The following CCDC192 variants were observed in gnomAD, a reference collection of about 807,000 sequenced individuals.
CCDC192 encodes coiled-coil domain-containing protein 192.
intron 6 of CCDC192, among the ~76,000 whole-genome samples, chr5:127,927,937 CTTTTTTTTTTTT>C (rs1271788889): frequency 2.5e-5 from 3 of 117,718 alleles, no homozygotes; most frequent in Admixed American, 9.2e-5. Context: ...TCTTATAGTT[CTTTTTTTTTTTT>C]TTTTTTTTTG....
At chr5:127,785,087 C>A in intron 3 of CCDC192, 1 of 516,712 alleles carries the variant, frequency 1.9e-6, no homozygotes. Flanking sequence ...ACAGTGTAGG[C>A]ATCTTCTGTG....
At chr5:127,801,697 G>C (rs572331783) in intron 5 of CCDC192, among the ~76,000 whole-genome samples, 1 of 151,938 alleles carries the variant, frequency 6.6e-6, no homozygotes, top group African/African-American at 2.4e-5. Context: ...ATTTTCTGTG[G>C]GTCCCCACAG....
intron 6 of CCDC192, among the ~76,000 whole-genome samples, chr5:127,883,675 C>G (rs1268331096): frequency 6.6e-6 from 1 of 152,198 alleles, no homozygotes; most frequent in African/African-American, 2.4e-5. Context: ...CACAGAAGAT[C>G]TCAGGAAATG....
At chr5:127,864,090 T>G (rs972062981) in intron 5 of CCDC192, among the ~76,000 whole-genome samples, 1 of 152,188 alleles carries the variant, frequency 6.6e-6, no homozygotes, top group African/African-American at 2.4e-5. Context: ...TTTCAGGTCA[T>G]TGTCGCTCCC....
At chr5:127,719,912 T>C (rs960670139) in intron 2 of CCDC192, among the ~76,000 whole-genome samples, 6 of 151,670 alleles carry the variant, frequency 4.0e-5, no homozygotes, top group Admixed American at 3.9e-4. Flanking sequence ...GCAAGGGGGA[T>C]GTCCACCCCC....
At chr5:127,861,353 T>TAAA (rs111544483) in intron 5 of CCDC192, among the ~76,000 whole-genome samples, 3 of 127,386 alleles carry the variant, frequency 2.4e-5, no homozygotes, top group African/African-American at 8.7e-5. Flanking sequence ...AATTTTAAGC[T>TAAA]AAAAAAAAAA....
In CCDC192 at chr5:127,941,477, T is replaced by A. The variant is rs1754404666; in HGVS notation, c.*9T>A. On this transcript the variant is annotated 3_prime_UTR_variant, in exon 7 of 7. Transcript: ENST00000514853. ...CTGATGAGAATTTGTAGATTCCCAA[T>A]AAGAAAACAATAAAAGTTTATTAAG... 5.0e-6 allele frequency: 2 copies of A among 399,006 alleles called. No homozygotes were observed. Among genetic ancestry groups the A allele is most frequent in the East Asian group, 7.1e-5 (2 of 28,084 alleles). The allele number at this position is 399,006 out of a possible 1,614,324, so 24.7% of individuals were successfully genotyped here. A position where few individuals can be genotyped will look rare whatever the true frequency, so the allele number is the denominator to read the frequency against.
chr5:127,902,383 G>A (rs1753061334), intron 6 of CCDC192, among the ~76,000 whole-genome samples: 2 of 151,022 alleles, frequency 1.3e-5, no homozygotes, highest in Non-Finnish European at 2.9e-5. Flanking sequence ...TTGAATCTGG[G>A]TCCTGACATT....
chr5:127,746,773 G>C (rs1228942522), intron 2 of CCDC192, among the ~76,000 whole-genome samples: 1 of 152,128 alleles, frequency 6.6e-6, no homozygotes, highest in East Asian at 1.9e-4. Flanking sequence ...TGTAGTGGCA[G>C]AACTTGACTG....
chr5:127,721,807 A>T (rs540925463), intron 2 of CCDC192, among the ~76,000 whole-genome samples: 226 of 152,240 alleles, frequency 1.5e-3, no homozygotes, highest in African/African-American at 5.2e-3. Flanking sequence ...GGCAAAGGAG[A>T]AGGAGGCATG....
chr5:127,751,943 C>T lies in CCDC192; in HGVS notation c.115-2325C>T, dbSNP rs1026189610. On this transcript the variant is annotated intron_variant, in intron 2 of 6. Coordinates refer to ENST00000514853, the MANE Select transcript of CCDC192 (RefSeq NM_001317938.2). ...GCTTCTGCATTCTTCACGTAGTTCTCGAGCCTTGGTTTTCAGCTCCATCAG... is the reference window on the plus strand; with the variant it reads ...GCTTCTGCATTCTTCACGTAGTTCTTGAGCCTTGGTTTTCAGCTCCATCAG... 1.1e-4 allele frequency among the ~76,000 whole-genome samples: 16 copies of T among 152,110 alleles called. No homozygotes were observed. The South Asian group carries it at 2.7e-3, about 26-fold the overall frequency.
At chr5:127,738,290 C>G (rs1309911634) in intron 2 of CCDC192, among the ~76,000 whole-genome samples, 1 of 137,638 alleles carries the variant, frequency 7.3e-6, no homozygotes, top group East Asian at 2.1e-4. Context: ...GGGTTTCTGC[C>G]AAGAGATCCG....
At chr5:127,932,738 A>G (rs1219524885) in intron 6 of CCDC192, among the ~76,000 whole-genome samples, 1 of 152,214 alleles carries the variant, frequency 6.6e-6, no homozygotes, top group Non-Finnish European at 1.5e-5. Context: ...CAGGGGATAC[A>G]GTACTGAACA....
intron 3 of CCDC192, among the ~76,000 whole-genome samples, chr5:127,758,465 T>C (rs1259597039): frequency 6.6e-6 from 1 of 152,194 alleles, no homozygotes; most frequent in Non-Finnish European, 1.5e-5. Context: ...TAACTTGCAA[T>C]TAAGACTTAT....
chr5:127,937,075 A>C (rs1171001441), intron 6 of CCDC192, among the ~76,000 whole-genome samples: 4 of 152,222 alleles, frequency 2.6e-5, no homozygotes, highest in Non-Finnish European at 5.9e-5. Flanking sequence ...CACTTTTGTT[A>C]GTTGTAATGT....
chr5:127,815,617 C>T (rs937788563), intron 5 of CCDC192, among the ~76,000 whole-genome samples: 1 of 152,052 alleles, frequency 6.6e-6, no homozygotes, highest in Non-Finnish European at 1.5e-5. Context: ...ACCTGTAATC[C>T]CAGCACTTTG....
chr5:127,746,024 G>A (rs1184456467), intron 2 of CCDC192, among the ~76,000 whole-genome samples: 1 of 152,112 alleles, frequency 6.6e-6, no homozygotes, highest in African/African-American at 2.4e-5. Flanking sequence ...ATTTTTGTTT[G>A]CCTTTTTTCT....
At chr5:127,869,398 G>A (rs1026710321) in intron 5 of CCDC192, among the ~76,000 whole-genome samples, 2 of 152,144 alleles carry the variant, frequency 1.3e-5, no homozygotes, top group Non-Finnish European at 2.9e-5. Flanking sequence ...ATTGTAGGTG[G>A]CCAATAACTG....
chr5:127,779,099 T>A (rs1393768106), intron 3 of CCDC192, among the ~76,000 whole-genome samples: 7 of 152,168 alleles, frequency 4.6e-5, no homozygotes, highest in African/African-American at 1.7e-4. Flanking sequence ...TGTTTTTTTA[T>A]TCTCTAGCTT....
Sources: gnomAD v4.1 joint callset for allele counts (sites outside exome capture counted in the v4.1 genomes callset) on GRCh38, gnomAD v4.1.1 for gene constraint, MANE v1.5 for transcripts, NCBI Gene and HGNC (gene_info 2026-07-23, HGNC 2026-07-21) for gene names.